The following HIPK2 variants were observed in gnomAD, a reference collection of about 807,000 sequenced individuals.
HIPK2 encodes homeodomain interacting protein kinase 2.
In HIPK2, 27 loss-of-function variants were observed where a neutral mutation model predicts 113.7. That is an observed-to-expected ratio of 0.24 (90% CI 0.17 to 0.33). The LOEUF is 0.33. Among genes scored for constraint, HIPK2 ranks in the 10% least tolerant of loss-of-function variants. The probability of loss-of-function intolerance (pLI) is 1.00; values close to 1 mark genes in which losing one functional copy is unlikely to be tolerated. For missense variants in HIPK2, 1,257 were observed against 1,588.0 expected (o/e 0.79, Z 3.54); for synonymous variants, 631 against 642.2 (o/e 0.98, Z 0.26).
At position 139,572,819 on chromosome 7, in the gene HIPK2, T is replaced by C. The variant is rs1390085707; in HGVS notation, c.*108A>G. The C allele has an allele frequency of 2.9e-6, 1 of 350,024 alleles. No individual in the cohort carries two copies. Among genetic ancestry groups the C allele is most frequent in the Non-Finnish European group, 4.5e-6 (1 of 222,172 alleles). The allele number at this position is 350,024 out of a possible 1,614,324, so 21.7% of individuals were successfully genotyped here. On this transcript the variant is annotated 3_prime_UTR_variant, in exon 15 of 15. Coordinates refer to ENST00000406875, the MANE Select transcript of HIPK2 (RefSeq NM_022740.5). ...TTTGCATTGTTTGTGTGCGGCATCT[T>C]CAGTATAAAAGGCCAGCGCCCACGG...
intron 2 of HIPK2, among the ~76,000 whole-genome samples, chr7:139,660,966 T>G (rs1801848063): frequency 6.6e-6 from 1 of 151,092 alleles, no homozygotes; most frequent in Non-Finnish European, 1.5e-5. Context: ...CCGTCTGCTC[T>G]TCCACATTCC....
At chr7:139,597,680 C>G (rs908516625) in intron 11 of HIPK2, among the ~76,000 whole-genome samples, 1 of 152,174 alleles carries the variant, frequency 6.6e-6, no homozygotes, top group Non-Finnish European at 1.5e-5. Flanking sequence ...GCGCATTAGT[C>G]TAAATTGTAA....
At chr7:139,720,922 G>C (rs757869623) in intron 1 of HIPK2, among the ~76,000 whole-genome samples, 1 of 152,214 alleles carries the variant, frequency 6.6e-6, no homozygotes, top group Non-Finnish European at 1.5e-5. Context: ...GAATTTTACA[G>C]AGGGGAAGAG....
intron 2 of HIPK2, among the ~76,000 whole-genome samples, chr7:139,647,701 T>C (rs1275367083): frequency 6.6e-6 from 1 of 151,858 alleles, no homozygotes; most frequent in Non-Finnish European, 1.5e-5. Context: ...AGAGAATAAG[T>C]GGAGATAGGG....
Position 139,716,829 on chromosome 7 carries a change from G to C in HIPK2, c.206C>G (p.Thr69Ser), listed in dbSNP as rs369827930. The change falls in exon 2 of 15, where the codon ACC becomes AGC. Residue 69 changes from threonine to serine, a missense_variant. Physicochemically the swap from Thr to Ser is moderately conservative, Grantham distance 58. This residue lies in a region of HIPK2 where 209 missense variants were observed against 237.8 expected (regional missense o/e 0.88). Coordinates refer to ENST00000406875, the MANE Select transcript of HIPK2 (RefSeq NM_022740.5). The surrounding 1 kb of genome is among the most constrained non-coding windows in gnomAD (Gnocchi z 9.3). Reference sequence around the variant, plus strand: ...GCTTGGGTTTGGGACCGGCAAGGAGGTGCTGACGGTTGTGGTGGCTGGCTG... The same window carrying C: ...GCTTGGGTTTGGGACCGGCAAGGAGCTGCTGACGGTTGTGGTGGCTGGCTG... Reference protein sequence around the residue: ...LSQPATTTVSTSLPVPNPSLP... With the variant: ...LSQPATTTVSSSLPVPNPSLP... The C allele has an allele frequency of 6.8e-6, 11 of 1,613,830 alleles. No homozygotes were observed. The African/African-American group carries it at 1.3e-4, about 20-fold the overall frequency.
intron 2 of HIPK2, among the ~76,000 whole-genome samples, chr7:139,664,047 G>A (rs1289012543): frequency 6.6e-6 from 1 of 152,182 alleles, no homozygotes; most frequent in East Asian, 1.9e-4. Context: ...AGTCCCTGAC[G>A]ACCCTCCTCT....
chr7:139,757,261 A>T (rs1312652048), intron 1 of HIPK2, among the ~76,000 whole-genome samples: 1 of 152,248 alleles, frequency 6.6e-6, no homozygotes, highest in Non-Finnish European at 1.5e-5. Flanking sequence ...CTCACCCTGT[A>T]ATTATGTTTC....
intron 2 of HIPK2, among the ~76,000 whole-genome samples, chr7:139,707,240 A>G (rs1292656582): frequency 6.6e-6 from 1 of 152,254 alleles, no homozygotes; most frequent in African/African-American, 2.4e-5. Flanking sequence ...GCTCTTGGGG[A>G]AATTCGAGAC....
At position 139,569,709 on chromosome 7, in the gene HIPK2, A is replaced by G. The variant is rs901566726; in HGVS notation, c.*3218T>C. 8 of 150,752 alleles carry G rather than the reference A, an allele frequency of 5.3e-5. No individual in the cohort carries two copies. The highest frequency in any genetic ancestry group is 4.4e-5 in the Non-Finnish European group (3 of 67,856). The allele number at this position is 150,752 out of a possible 1,614,324, so 9.3% of individuals were successfully genotyped here. A position where few individuals can be genotyped will look rare whatever the true frequency, so the allele number is the denominator to read the frequency against. On this transcript the variant is annotated 3_prime_UTR_variant, in exon 15 of 15. Transcript: ENST00000406875. ...CGTCTCTTGTTGGGATAGAGATGACAGAAACAATTTTCCTACTTCCTAAGT... is the reference window on the plus strand; with the variant it reads ...CGTCTCTTGTTGGGATAGAGATGACGGAAACAATTTTCCTACTTCCTAAGT...
intron 1 of HIPK2, among the ~76,000 whole-genome samples, chr7:139,769,109 A>G (rs1191141002): frequency 6.6e-6 from 1 of 152,238 alleles, no homozygotes; most frequent in Non-Finnish European, 1.5e-5. Flanking sequence ...TCCTGATCCT[A>G]GATCACTGCC....
At chr7:139,765,748 C>T (rs1415405304) in intron 1 of HIPK2, among the ~76,000 whole-genome samples, 1 of 152,182 alleles carries the variant, frequency 6.6e-6, no homozygotes, top group Non-Finnish European at 1.5e-5. Context: ...GGCCTCACAG[C>T]ACCTCCTCCA....
intron 9 of HIPK2, among the ~76,000 whole-genome samples, chr7:139,607,447 A>T (rs1397896916): frequency 1.3e-5 from 2 of 152,192 alleles, no homozygotes; most frequent in Non-Finnish European, 2.9e-5. Context: ...TCGCTTTCAG[A>T]GAAAGAAAAA....
At chr7:139,605,145 A>T (rs1799576817) in intron 9 of HIPK2, among the ~76,000 whole-genome samples, 1 of 152,192 alleles carries the variant, frequency 6.6e-6, no homozygotes, top group South Asian at 2.1e-4. Flanking sequence ...TCAAAGCAAA[A>T]ATGAGAGAGA....
chr7:139,603,704 C>A (rs1799518834), intron 10 of HIPK2, among the ~76,000 whole-genome samples: 1 of 152,076 alleles, frequency 6.6e-6, no homozygotes, highest in Admixed American at 6.6e-5. Flanking sequence ...CTTTGGGGAC[C>A]CTCTTCTGCA....
At chr7:139,665,133 G>A (rs868022100) in intron 2 of HIPK2, among the ~76,000 whole-genome samples, 3 of 151,386 alleles carry the variant, frequency 2.0e-5, no homozygotes, top group Non-Finnish European at 2.9e-5. Flanking sequence ...GACCTCCTGC[G>A]CTTAGGTGGT....
At chr7:139,574,216 AT>A (rs1206029826) in intron 14 of HIPK2, among the ~76,000 whole-genome samples, 1 of 151,994 alleles carries the variant, frequency 6.6e-6, no homozygotes, top group African/African-American at 2.4e-5. Context: ...TCTACAAAAA[AT>A]TTTGAAAATT....
chr7:139,579,491 T>C (rs1798597324), intron 13 of HIPK2, among the ~76,000 whole-genome samples: 1 of 152,166 alleles, frequency 6.6e-6, no homozygotes, highest in Non-Finnish European at 1.5e-5. Context: ...TTGAATTCGG[T>C]TGGATCAATT....
intron 1 of HIPK2, among the ~76,000 whole-genome samples, chr7:139,747,476 C>T (rs1002588582): frequency 6.6e-6 from 1 of 152,218 alleles, no homozygotes; most frequent in Non-Finnish European, 1.5e-5. Context: ...AGCTTCCTGG[C>T]TTTTCTTCAA....
At chr7:139,776,946 G>T (rs1310996643) in intron 1 of HIPK2, 1 of 152,124 alleles carries the variant, frequency 6.6e-6, no homozygotes, top group East Asian at 1.9e-4. Context: ...AACACAGATC[G>T]ACCCAGACCG....
Sources: allele counts gnomAD v4.1 joint callset (sites outside exome capture counted in the v4.1 genomes callset), GRCh38; gene constraint gnomAD v4.1.1; regional missense constraint gnomAD v4.1.1; non-coding constraint Gnocchi (gnomAD v3.1); transcripts MANE v1.5; gene names NCBI Gene and HGNC (gene_info 2026-07-23, HGNC 2026-07-21).